Variants in TMEM135 observed in about 807,000 individuals in gnomAD.
TMEM135 encodes the protein transmembrane protein 135.
In TMEM135, 30 loss-of-function variants were observed where a neutral mutation model predicts 60.3. The observed-to-expected ratio is 0.50, with a 90% CI of 0.37 to 0.68. The LOEUF (loss-of-function observed/expected upper bound fraction) is 0.68, where lower values mean the gene tolerates loss of function less well. Among genes scored for constraint, TMEM135 ranks in the 30% least tolerant of loss-of-function variants. The pLI, the probability that TMEM135 is intolerant of heterozygous loss-of-function variation, is 0.00. For missense variants in TMEM135, 468 were observed against 548.8 expected (o/e 0.85, Z 1.47); for synonymous variants, 190 against 186.7 (o/e 1.02, Z -0.14).
intron 1 of TMEM135, among the ~76,000 whole-genome samples, chr11:87,047,469 C>G (rs952640615): frequency 6.6e-6 from 1 of 151,000 alleles, no homozygotes; most frequent in African/African-American, 2.4e-5. Flanking sequence ...GCACCGTGCG[C>G]GAGCCGAAGC....
intron 5 of TMEM135, among the ~76,000 whole-genome samples, chr11:87,232,682 A>T (rs1277408822): frequency 2.0e-5 from 3 of 152,178 alleles, no homozygotes; most frequent in Non-Finnish European, 4.4e-5. Flanking sequence ...ACTATGGATG[A>T]CAATAATAGC....
At chr11:87,130,560 A>G (rs887198605) in intron 4 of TMEM135, among the ~76,000 whole-genome samples, 5 of 152,118 alleles carry the variant, frequency 3.3e-5, no homozygotes, top group Non-Finnish European at 5.9e-5. Flanking sequence ...TTCATGGGTT[A>G]TAGAGATTAG....
At chr11:87,201,810 A>T (rs1940099109) in intron 5 of TMEM135, among the ~76,000 whole-genome samples, 1 of 152,226 alleles carries the variant, frequency 6.6e-6, no homozygotes. Flanking sequence ...CTTACTCTGC[A>T]CTAAGCCATC....
At chr11:87,268,553 TA>T (rs1404424895) in intron 6 of TMEM135, among the ~76,000 whole-genome samples, 1 of 152,192 alleles carries the variant, frequency 6.6e-6, no homozygotes, top group Admixed American at 6.5e-5. Context: ...TGGAATGAGA[TA>T]ACCTTCTTAA....
chr11:87,074,302 T>C (rs988724026), intron 3 of TMEM135, among the ~76,000 whole-genome samples: 12 of 152,202 alleles, frequency 7.9e-5, no homozygotes, highest in Non-Finnish European at 1.5e-5. Flanking sequence ...AATTAATATA[T>C]GTTAAAATGC....
intron 5 of TMEM135, among the ~76,000 whole-genome samples, chr11:87,209,244 G>T (rs529696851): frequency 6.6e-6 from 1 of 152,020 alleles, no homozygotes; most frequent in Non-Finnish European, 1.5e-5. Flanking sequence ...CCACTAAAAG[G>T]CATACAGGGG....
chr11:87,188,199 T>A (rs1939700407), intron 5 of TMEM135, among the ~76,000 whole-genome samples: 1 of 152,152 alleles, frequency 6.6e-6, no homozygotes, highest in Non-Finnish European at 1.5e-5. Context: ...ACAGTCATAT[T>A]TTTGTTCATA....
chr11:87,045,911 T>G (rs1164944036), intron 1 of TMEM135, among the ~76,000 whole-genome samples: 1 of 152,228 alleles, frequency 6.6e-6, no homozygotes, highest in Non-Finnish European at 1.5e-5. Context: ...GTCTGCTATT[T>G]GCAGGGTGCT....
At chr11:87,039,154 T>A (rs2135099505) in intron 1 of TMEM135, among the ~76,000 whole-genome samples, 1 of 152,366 alleles carries the variant, frequency 6.6e-6, no homozygotes, top group African/African-American at 2.4e-5. Context: ...TATACCCTAA[T>A]GTTCCTGAAA....
At chr11:87,215,875 C>T (rs541056779) in intron 5 of TMEM135, among the ~76,000 whole-genome samples, 15 of 152,286 alleles carry the variant, frequency 9.8e-5, no homozygotes, top group African/African-American at 3.4e-4. Flanking sequence ...TGTTTTCCCT[C>T]TCCCTTCTAT....
At chr11:87,222,179 C>CT (rs1402503731) in intron 5 of TMEM135, among the ~76,000 whole-genome samples, 5 of 18,516 alleles carry the variant, frequency 2.7e-4, no homozygotes, top group African/African-American at 5.4e-4. Context: ...GAGACTCTGT[C>CT]TCAAAAAAAA....
At chr11:87,138,695 C>T (rs547869358) in intron 4 of TMEM135, among the ~76,000 whole-genome samples, 2 of 152,192 alleles carry the variant, frequency 1.3e-5, no homozygotes, top group African/African-American at 4.8e-5. Flanking sequence ...TAGTATGATA[C>T]ATTGTGGCAG....
intron 1 of TMEM135, among the ~76,000 whole-genome samples, chr11:87,063,495 T>A (rs759968937): frequency 6.6e-6 from 1 of 152,238 alleles, no homozygotes; most frequent in African/African-American, 2.4e-5. Flanking sequence ...TTGTAATTAC[T>A]ACATGGCTAA....
rs559499328 is a variant in TMEM135 at position 87,071,680 on chromosome 11, T to C, written c.362+65T>C. 3.4e-4 allele frequency: 413 copies of C among 1,231,962 alleles called. 3 individuals are homozygous for C. In the African/African-American group the frequency reaches 4.7e-3, roughly 14 times the overall value. 76.3% of individuals were successfully genotyped at this position (1,231,962 alleles called of 1,614,324 possible). On this transcript the variant is annotated intron_variant, in intron 3 of 14. Coordinates refer to ENST00000305494, the MANE Select transcript of TMEM135 (RefSeq NM_022918.4). ...GTCCCCTACCCCAACTATAATTTTTTTTTTTTTAATTATCACTTACAGGGA... is the reference window on the plus strand; with the variant it reads ...GTCCCCTACCCCAACTATAATTTTTCTTTTTTTAATTATCACTTACAGGGA...
At chr11:87,207,507 A>G (rs576165436) in intron 5 of TMEM135, among the ~76,000 whole-genome samples, 4 of 152,272 alleles carry the variant, frequency 2.6e-5, no homozygotes, top group Admixed American at 1.3e-4. Context: ...TTGTTTACTT[A>G]ATTGAAAGCA....
At chr11:87,060,529 G>A (rs1949935644) in intron 1 of TMEM135, among the ~76,000 whole-genome samples, 1 of 152,106 alleles carries the variant, frequency 6.6e-6, no homozygotes, top group Non-Finnish European at 1.5e-5. Flanking sequence ...TTTAGAATGT[G>A]TTTTGACTTC....
intron 6 of TMEM135, among the ~76,000 whole-genome samples, chr11:87,274,808 GTGTGTGTGTGTGT>G (rs1283986146): frequency 5.3e-4 from 79 of 150,202 alleles, no homozygotes; most frequent in African/African-American, 1.9e-3. Flanking sequence ...GTGTGTGTGT[GTGTGTGTGTGTGT>G]GTGTGTGTTT....
chr11:87,216,123 C>G (rs1374862280), intron 5 of TMEM135, among the ~76,000 whole-genome samples: 1 of 152,140 alleles, frequency 6.6e-6, no homozygotes, highest in African/African-American at 2.4e-5. Context: ...TAGGAAGAAA[C>G]ATAGTGTATA....
chr11:87,194,989 A>G (rs1939901719), intron 5 of TMEM135, among the ~76,000 whole-genome samples: 1 of 152,204 alleles, frequency 6.6e-6, no homozygotes, highest in Non-Finnish European at 1.5e-5. Flanking sequence ...AAACCATATC[A>G]GCATTATACA....
Sources: allele counts gnomAD v4.1 joint callset (sites outside exome capture counted in the v4.1 genomes callset), GRCh38; gene constraint gnomAD v4.1.1; transcripts MANE v1.5; gene names NCBI Gene and HGNC (gene_info 2026-07-23, HGNC 2026-07-21).